Variants in COL18A1 observed in about 807,000 individuals in gnomAD.
The protein encoded by COL18A1 is collagen alpha-1(XVIII) chain.
In COL18A1, 133 loss-of-function variants were observed where a neutral mutation model predicts 168.0. The observed-to-expected ratio is 0.79, with a 90% CI of 0.69 to 0.91. The LOEUF (loss-of-function observed/expected upper bound fraction) is 0.91. Among genes scored for constraint, COL18A1 ranks in the 40% least tolerant of loss-of-function variants. The pLI is 0.00. For missense variants in COL18A1, 2,126 were observed against 1,925.4 expected (o/e 1.10, Z -1.95); for synonymous variants, 949 against 809.0 (o/e 1.17, Z -2.94).
chr21:45,454,658 G>C (rs1470859272), intron 2 of COL18A1, among the ~76,000 whole-genome samples: 1 of 152,224 alleles, frequency 6.6e-6, no homozygotes, highest in African/African-American at 2.4e-5. Context: ...CTGCACACAG[G>C]TCCTCAGAGG....
chr21:45,489,976 C>T (rs2036251580), intron 19 of COL18A1, among the ~76,000 whole-genome samples: 1 of 29,282 alleles, frequency 3.4e-5, no homozygotes, highest in Non-Finnish European at 6.6e-5. Flanking sequence ...TCCTCCCCCA[C>T]ACCCTCCCCC....
chr21:45,507,508 C>T, intron 37 of COL18A1, 53 bp from the exon 38 acceptor site: 2 of 1,582,566 alleles, frequency 1.3e-6, no homozygotes, highest in Non-Finnish European at 1.7e-6. Context: ...AGGGAGGGCA[C>T]CCTGGCTCAG....
At chr21:45,422,294 G>A (rs1363374689) in intron 2 of COL18A1, 2 of 352,752 alleles carry the variant, frequency 5.7e-6, no homozygotes, top group Non-Finnish European at 5.9e-6. Context: ...CTGTAGAGGG[G>A]CAGGAGGCCC....
intron 32 of COL18A1, among the ~76,000 whole-genome samples, chr21:45,500,084 GGA>G (rs1402967172): frequency 1.4e-5 from 2 of 138,674 alleles, no homozygotes; most frequent in Non-Finnish European, 3.1e-5. Context: ...GGGTGTGTGT[GGA>G]GTGTGTGTAT....
chr21:45,480,419 C>A, intron 11 of COL18A1, 48 bp from the exon 12 acceptor site: 8 of 1,613,590 alleles, frequency 5.0e-6, no homozygotes, highest in African/African-American at 1.3e-5. Context: ...GTAGGCCAGG[C>A]GGGGGGCCGA....
chr21:45,442,776 G>A (rs1262888812), intron 2 of COL18A1, among the ~76,000 whole-genome samples: 3 of 119,918 alleles, frequency 2.5e-5, no homozygotes, highest in Admixed American at 7.8e-5. Flanking sequence ...TGGTGTGGGC[G>A]GCGGTCCTGG....
intron 15 of COL18A1, 21 bp downstream of exon 15, chr21:45,482,842 A>C: frequency 6.2e-7 from 1 of 1,614,156 alleles, no homozygotes; most frequent in Non-Finnish European, 8.5e-7. Context: ...AATCCCTGGC[A>C]CATCAGTCCC....
At chr21:45,448,994 C>G (rs1011404536) in intron 2 of COL18A1, among the ~76,000 whole-genome samples, 1 of 152,234 alleles carries the variant, frequency 6.6e-6, no homozygotes, top group Non-Finnish European at 1.5e-5. Flanking sequence ...AGAGCCATGG[C>G]AGGGGACTGT....
chr21:45,488,219 G>A (rs560328898), intron 17 of COL18A1, among the ~76,000 whole-genome samples, 199 bp from the exon 18 acceptor site: 1 of 152,364 alleles, frequency 6.6e-6, no homozygotes, highest in African/African-American at 2.4e-5. Context: ...GGAGCAAAAC[G>A]AATGAGAAAT....
chr21:45,487,062 G>A (rs879766356), intron 16 of COL18A1, 70 bp downstream of exon 16: 9 of 1,389,804 alleles, frequency 6.5e-6, no homozygotes, highest in Non-Finnish European at 8.5e-6. Context: ...ACTACCCCTG[G>A]CATCTCACTC....
At chr21:45,444,065 G>A (rs866743604) in intron 2 of COL18A1, among the ~76,000 whole-genome samples, 4 of 152,168 alleles carry the variant, frequency 2.6e-5, no homozygotes, top group African/African-American at 4.8e-5. Context: ...CCACGCTGTC[G>A]CTCTCTCTTG....
At chr21:45,499,943 G>GAGGGTAGAT (rs1770006662) in intron 32 of COL18A1, among the ~76,000 whole-genome samples, 2 of 152,224 alleles carry the variant, frequency 1.3e-5, no homozygotes, top group South Asian at 4.1e-4. Flanking sequence ...TAAGTATGAC[G>GAGGGTAGAT]AGGGTAGATA....
intron 12 of COL18A1, 41 bp downstream of exon 12, chr21:45,480,561 C>T (rs1212587591): frequency 1.9e-6 from 3 of 1,613,984 alleles, no homozygotes; most frequent in Admixed American, 3.3e-5. Flanking sequence ...GATGTCTGTG[C>T]CCATGAGGAA....
chr21:45,411,759 C>CGGGGGG (rs1437966551), intron 2 of COL18A1, among the ~76,000 whole-genome samples: 2 of 7,580 alleles, frequency 2.6e-4, no homozygotes, highest in African/African-American at 9.0e-4. Context: ...GGGCTGATGG[C>CGGGGGG]GGGGGGTGGG....
At chr21:45,405,618 G>A (rs1156797006) in intron 2 of COL18A1, 145 bp downstream of exon 2, 11 of 385,862 alleles carry the variant, frequency 2.9e-5, no homozygotes, top group Non-Finnish European at 4.2e-5. Flanking sequence ...GGAGGCGCCG[G>A]AGCCGGACGG....
rs150340833 is a variant in COL18A1 at position 45,463,779 on chromosome 21, C to T, written c.107-4463C>T. 0.029 allele frequency among the ~76,000 whole-genome samples: 4,429 copies of T among 152,098 alleles called. 225 individuals carry two copies. The highest frequency in any genetic ancestry group is 0.1 in the African/African-American group (4,181 of 41,466). On this transcript the variant is annotated intron_variant, in intron 2 of 41. Transcript: ENST00000651438. This position sits in a 1 kb window ranked among gnomAD's most constrained non-coding sequence, Gnocchi z 4.0. ...GGGTATGGTGGTGCATGCCTGTAATCCTAGCTACTCGGGATGCTGAGGCAG... is the reference window on the plus strand; with the variant it reads ...GGGTATGGTGGTGCATGCCTGTAATTCTAGCTACTCGGGATGCTGAGGCAG...
At position 45,496,514 on chromosome 21, in the gene COL18A1, C is replaced by A; in HGVS notation, c.2523C>A (p.Pro841=). Residue 841 remains proline (P), a synonymous_variant, in exon 30 of 42, where the codon CCC becomes CCA. Transcript: ENST00000651438. ...LGFGMRGMPG[P]PGPPGPPGPP... is the part of the protein sequence containing the mutation. Reference sequence around the variant, plus strand: ...CCTCCCCACAGGGAATGCCCGGCCCCCCAGGACCTCCAGGGCCCCCAGGCC... The same window carrying A: ...CCTCCCCACAGGGAATGCCCGGCCCACCAGGACCTCCAGGGCCCCCAGGCC... 6.7e-7 allele frequency: 1 copy of A among 1,492,366 alleles called. No homozygotes were observed. Among genetic ancestry groups the A allele is most frequent in the East Asian group, 2.3e-5 (1 of 44,372 alleles). 92.4% of individuals were successfully genotyped at this position (1,492,366 alleles called of 1,614,324 possible). A position where few individuals can be genotyped will look rare whatever the true frequency, so the allele number is the denominator to read the frequency against.
At chr21:45,480,244 C>A in intron 11 of COL18A1, 88 bp downstream of exon 11, 2 of 1,129,026 alleles carry the variant, frequency 1.8e-6, no homozygotes, top group Non-Finnish European at 2.6e-6. Context: ...TCAGCTCCAC[C>A]CTCAGGGGCT....
intron 2 of COL18A1, among the ~76,000 whole-genome samples, chr21:45,448,348 A>G (rs1306810768): frequency 1.3e-5 from 2 of 152,258 alleles, no homozygotes; most frequent in Non-Finnish European, 2.9e-5. Flanking sequence ...GAATATCTAC[A>G]TGCACCTCCA....
Sources: gnomAD v4.1 joint callset for allele counts (sites outside exome capture counted in the v4.1 genomes callset) on GRCh38, gnomAD v4.1.1 for gene constraint, Gnocchi (gnomAD v3.1) non-coding constraint, MANE v1.5 for transcripts, NCBI Gene and HGNC (gene_info 2026-07-23, HGNC 2026-07-21) for gene names.